DMD: variants seen among roughly 807,000 people sequenced by gnomAD.
The protein encoded by DMD is dystrophin.
A neutral mutation model predicts 330.1 loss-of-function variants in DMD; 63 were observed. The observed-to-expected ratio is 0.19, with a 90% confidence interval of 0.16 to 0.24. The LOEUF (loss-of-function observed/expected upper bound fraction) is 0.24. DMD is among the 10% of genes least tolerant of loss of function. The pLI is 1.00. For missense variants in DMD, 3,344 were observed against 2,684.1 expected, an observed-to-expected ratio of 1.25 and a Z score of -5.43; for synonymous variants, 1,223 against 959.8, an observed-to-expected ratio of 1.27 and a Z score of -5.07.
chrX:31,507,203 T>C, intron 56 of DMD, 78 bp downstream of exon 56: 2 of 975,350 alleles, frequency 2.1e-6, no homozygotes, highest in Non-Finnish European at 2.9e-6. Flanking sequence ...GAGATACCAG[T>C]TACTTGTGCT....
intron 44 of DMD, among the ~76,000 whole-genome samples, chrX:31,983,116 A>G (rs1949310540): frequency 9.1e-6 from 1 of 110,296 alleles, no homozygotes; most frequent in African/African-American, 3.3e-5. Flanking sequence ...TGCAAAATAC[A>G]GATTACTACT....
chrX:33,125,441 C>T (rs2095457679), intron 1 of DMD, among the ~76,000 whole-genome samples: 1 of 111,480 alleles, frequency 9.0e-6, no homozygotes, highest in Non-Finnish European at 1.9e-5. Flanking sequence ...TCCTTAAAGG[C>T]ATGTTCACCC....
chrX:31,886,128 T>G (rs1484720767), intron 47 of DMD, among the ~76,000 whole-genome samples: 3 of 111,054 alleles, frequency 2.7e-5, no homozygotes, highest in Non-Finnish European at 3.8e-5. Flanking sequence ...TTTCAAAAAA[T>G]TTAATGTAAA....
intron 44 of DMD, among the ~76,000 whole-genome samples, chrX:31,972,545 T>C (rs1056445605): frequency 4.5e-5 from 5 of 110,708 alleles, no homozygotes; most frequent in African/African-American, 1.6e-4. Context: ...ATGAATTATG[T>C]AGGAAATAAA....
At chrX:32,131,706 T>G (rs1195007372) in intron 44 of DMD, among the ~76,000 whole-genome samples, 2 of 112,485 alleles carry the variant, frequency 1.8e-5, no homozygotes, top group African/African-American at 6.5e-5. Context: ...GGTCATTTAA[T>G]CCTCTGTTCT....
chrX:32,747,095 T>C (rs1213705293), intron 7 of DMD, among the ~76,000 whole-genome samples: 2 of 112,221 alleles, frequency 1.8e-5, no homozygotes, highest in African/African-American at 3.2e-5. Flanking sequence ...TAAATTCATT[T>C]ATCTGTTAAT....
Position 32,504,308 on chromosome X carries a change from C to G in DMD, c.2293-2466G>C, listed in dbSNP as rs1452045761. Among the ~76,000 whole-genome samples the G allele has an allele frequency of 7.2e-5, 8 of 111,717 alleles. 1 individual carries two copies. The highest frequency in any genetic ancestry group is 1.3e-4 in the Non-Finnish European group (7 of 53,159). On this transcript the variant is annotated intron_variant, in intron 18 of 78. Coordinates refer to ENST00000357033, the MANE Select transcript of DMD (RefSeq NM_004006.3). ...TTATCACAAATTCACTTTAAAATTT[C>G]AACATTGAATATATCTGTACAAATG...
intron 17 of DMD, among the ~76,000 whole-genome samples, chrX:32,526,003 G>T (rs962974953): frequency 3.6e-5 from 4 of 111,080 alleles, no homozygotes; most frequent in Non-Finnish European, 7.6e-5. Context: ...TAAAACCATT[G>T]CTAATGAACT....
chrX:32,492,340 A>G (rs943407848), intron 19 of DMD, among the ~76,000 whole-genome samples: 6 of 112,468 alleles, frequency 5.3e-5, no homozygotes, highest in African/African-American at 1.6e-4. Context: ...TCTGTCTCAT[A>G]TTGTCCATGG....
intron 47 of DMD, among the ~76,000 whole-genome samples, chrX:31,920,444 G>GATTATT (rs1300568647): frequency 8.9e-6 from 1 of 111,798 alleles, no homozygotes; most frequent in Non-Finnish European, 1.9e-5. Context: ...ATCATTTCAC[G>GATTATT]ATTATTAAAT....
At chrX:31,553,883 AAATTTGACT>A (rs1345517561) in intron 55 of DMD, among the ~76,000 whole-genome samples, 1 of 112,798 alleles carries the variant, frequency 8.9e-6, no homozygotes, top group Non-Finnish European at 1.9e-5. Flanking sequence ...TACTGCTGAG[AAATTTGACT>A]ACAGAGGACT....
chrX:33,279,177 G>T (rs897150351), intron 1 of DMD, among the ~76,000 whole-genome samples: 2 of 111,736 alleles, frequency 1.8e-5, no homozygotes, highest in Admixed American at 9.6e-5. Context: ...GCCATAAAGC[G>T]AATCTCAATA....
At chrX:32,002,135 T>G (rs764634490) in intron 44 of DMD, among the ~76,000 whole-genome samples, 1 of 111,539 alleles carries the variant, frequency 9.0e-6, no homozygotes, top group East Asian at 2.8e-4. Context: ...ATCCTTTTAC[T>G]TTCACAAATT....
intron 29 of DMD, among the ~76,000 whole-genome samples, chrX:32,437,220 A>T (rs1365976944): frequency 8.9e-6 from 1 of 111,946 alleles, no homozygotes; most frequent in Non-Finnish European, 1.9e-5. Flanking sequence ...TCCAATCCCC[A>T]ATTCCTTATG....
chrX:32,202,865 C>T (rs1477233990), intron 44 of DMD, among the ~76,000 whole-genome samples: 1 of 111,800 alleles, frequency 8.9e-6, no homozygotes, highest in African/African-American at 3.3e-5. Context: ...AAGTTCAAAC[C>T]GTAATTATAA....
chrX:32,058,035 T>C (rs756745149), intron 44 of DMD, among the ~76,000 whole-genome samples: 1 of 111,263 alleles, frequency 9.0e-6, no homozygotes, highest in East Asian at 2.8e-4. Flanking sequence ...TTGCAAAGAA[T>C]GGAATTGGAC....
chrX:32,285,956 T>A (rs1260061867), intron 43 of DMD, among the ~76,000 whole-genome samples: 8 of 111,062 alleles, frequency 7.2e-5, no homozygotes, highest in Non-Finnish European at 1.3e-4. Context: ...CGCCTTGGAC[T>A]CCCAAAGTGC....
chrX:32,655,468 A>T (rs755496732), intron 9 of DMD, among the ~76,000 whole-genome samples: 30 of 112,125 alleles, frequency 2.7e-4, no homozygotes, highest in Non-Finnish European at 1.5e-4. Context: ...TTCTTAATCC[A>T]GAGTTCTAGT....
chrX:32,850,269 T>C (rs969779696), intron 2 of DMD, among the ~76,000 whole-genome samples: 3 of 111,759 alleles, frequency 2.7e-5, no homozygotes, highest in Non-Finnish European at 3.8e-5. Flanking sequence ...CAAAACATGC[T>C]TGCTGTGCAT....
Sources: allele counts gnomAD v4.1 joint callset (sites outside exome capture counted in the v4.1 genomes callset), GRCh38; gene constraint gnomAD v4.1.1; transcripts MANE v1.5; gene names NCBI Gene and HGNC (gene_info 2026-07-23, HGNC 2026-07-21).